PCDHGA1: variants seen among roughly 807,000 people sequenced by gnomAD.
PCDHGA1 encodes the protein protocadherin gamma subfamily A, 1.
In PCDHGA1, 32 loss-of-function variants were observed where a neutral mutation model predicts 58.0. The ratio of observed to expected loss-of-function variants is 0.55; its 90% CI spans 0.42 to 0.74. PCDHGA1 has a LOEUF of 0.74. Ranked by LOEUF, PCDHGA1 falls within the 30% of genes least tolerant of loss-of-function variation. The pLI, the probability that PCDHGA1 is intolerant of heterozygous loss-of-function variation, is 0.00. For missense variants in PCDHGA1, 1,205 were observed against 1,182.3 expected, an observed-to-expected ratio of 1.02 and a Z score of -0.28; for synonymous variants, 498 against 501.1, an observed-to-expected ratio of 0.99 and a Z score of 0.08.
intron 2 of PCDHGA1, among the ~76,000 whole-genome samples, chr5:141,500,184 T>TTTTTTTTA (rs1554186429): frequency 7.8e-4 from 106 of 135,966 alleles, no homozygotes; most frequent in African/African-American, 2.4e-3. Context: ...TCATTTTTAT[T>TTTTTTTTA]TTTATTTATT....
At chr5:141,433,202 T>C (rs1433315739) in intron 1 of PCDHGA1, 2 of 1,578,202 alleles carry the variant, frequency 1.3e-6, no homozygotes, top group Non-Finnish European at 1.7e-6. Context: ...ATATCAAATC[T>C]TCTTTCTTTT....
chr5:141,457,809 C>A (rs1404645915), intron 1 of PCDHGA1, among the ~76,000 whole-genome samples: 1 of 152,180 alleles, frequency 6.6e-6, no homozygotes, highest in Non-Finnish European at 1.5e-5. Flanking sequence ...CTCTTGAGGT[C>A]CCAAGATAAA....
At chr5:141,354,730 T>C (rs1554075317) in intron 1 of PCDHGA1, among the ~76,000 whole-genome samples, 1 of 152,160 alleles carries the variant, frequency 6.6e-6, no homozygotes. Flanking sequence ...GGATGAACAA[T>C]GTGAAAACTG....
At chr5:141,354,901 A>C (rs1394350336) in intron 1 of PCDHGA1, 1 of 397,230 alleles carries the variant, frequency 2.5e-6, no homozygotes, top group African/African-American at 2.1e-5. Context: ...GAGAAATAGG[A>C]ATAGAAAAGT....
In PCDHGA1 at chr5:141,438,327, A is replaced by G. The variant is rs369043587; in HGVS notation, c.2422-56480A>G. 1.5e-4 allele frequency among the ~76,000 whole-genome samples: 23 copies of G among 152,106 alleles called. No homozygotes were observed. The East Asian group carries it at 4.1e-3, about 27-fold the overall frequency. ...TTGGTACCACCATAATTTTTCTTAT[A>G]CATGTCATATAAGGATCTACTCTGT... On this transcript the variant is annotated intron_variant, in intron 1 of 3. Transcript: ENST00000517417.
intron 3 of PCDHGA1, among the ~76,000 whole-genome samples, chr5:141,509,353 C>A (rs2099876446): frequency 6.6e-6 from 1 of 152,170 alleles, no homozygotes; most frequent in Non-Finnish European, 1.5e-5. Context: ...CTGGCCTGGG[C>A]ATCCCTGAGG....
intron 1 of PCDHGA1, among the ~76,000 whole-genome samples, chr5:141,482,048 G>A (rs375214441): frequency 1.3e-5 from 2 of 150,044 alleles, no homozygotes; most frequent in Non-Finnish European, 2.9e-5. Flanking sequence ...TCATGCTGTT[G>A]CATTCCAGCC....
chr5:141,439,636 G>A (rs114401133), intron 1 of PCDHGA1, among the ~76,000 whole-genome samples: 27 of 152,206 alleles, frequency 1.8e-4, no homozygotes, highest in Non-Finnish European at 2.9e-4. Context: ...CAGACATTCC[G>A]GCTTGGTGGC....
Position 141,490,270 on chromosome 5 carries a change from A to G in PCDHGA1, c.2422-4537A>G. On this transcript the variant is annotated intron_variant, in intron 1 of 3. Coordinates refer to ENST00000517417, the MANE Select transcript of PCDHGA1 (RefSeq NM_018912.3). The surrounding 1 kb of genome is among the most constrained non-coding windows in gnomAD (Gnocchi z 5.4). The stretch of plus-strand genomic sequence containing the variant: ...GATTCAAGTGGATGTGGGGGATGTC[A>G]ATGACAATGCCCCAGAGGTGCTATT... The G allele has an allele frequency of 6.2e-7, 1 of 1,614,226 alleles. No individual in the cohort carries two copies. Among genetic ancestry groups the G allele is most frequent in the African/African-American group, 1.3e-5 (1 of 75,060 alleles).
Position 141,477,337 on chromosome 5 carries a change from C to T in PCDHGA1, c.2422-17470C>T. ...TTACTTCTTCCCTCAAGAATTACTT[C>T]ACTTTGAAAACCAGTGCAGACCTGG... On this transcript the variant is annotated intron_variant, in intron 1 of 3. Transcript: ENST00000517417. The surrounding 1 kb of genome is among the most constrained non-coding windows in gnomAD (Gnocchi z 4.9). The T allele has an allele frequency of 1.2e-6, 2 of 1,614,166 alleles. No individual in the cohort carries two copies. Among genetic ancestry groups the T allele is most frequent in the Non-Finnish European group, 1.7e-6 (2 of 1,180,028 alleles).
chr5:141,406,998 A>T (rs138992041), intron 1 of PCDHGA1, among the ~76,000 whole-genome samples: 1 of 152,234 alleles, frequency 6.6e-6, no homozygotes, highest in Non-Finnish European at 1.5e-5. Context: ...ATTTGAAAAT[A>T]AGCTTTGAAG....
chr5:141,485,105 G>A lies in PCDHGA1; in HGVS notation c.2422-9702G>A. On this transcript the variant is annotated intron_variant, in intron 1 of 3. Transcript: ENST00000517417. The surrounding 1 kb of genome is among the most constrained non-coding windows in gnomAD (Gnocchi z 5.7). ...AGGGAGATAGGTGTCTCCAGCTGCT[G>A]TGGCTGTTTGGGGCGGGTCGGCTTC... 8.3e-7 allele frequency: 1 copy of A among 1,205,940 alleles called. No individual in the cohort carries two copies. Among genetic ancestry groups the A allele is most frequent in the Non-Finnish European group, 1.2e-6 (1 of 827,784 alleles). The allele number at this position is 1,205,940 out of a possible 1,614,324, so 74.7% of individuals were successfully genotyped here.
chr5:141,427,751 C>T (rs778043340), intron 1 of PCDHGA1: 1 of 1,306,072 alleles, frequency 7.7e-7, no homozygotes, highest in South Asian at 1.2e-5. Flanking sequence ...CCTACTCCAT[C>T]GTTACCACTG....
rs373558342 is a variant in PCDHGA1 at position 141,374,559 on chromosome 5, A to C, written c.2421+41454A>C. 1.1e-4 allele frequency: 170 copies of C among 1,613,544 alleles called. No homozygotes were observed. The highest frequency in any genetic ancestry group is 1.3e-4 in the Non-Finnish European group (153 of 1,179,694). ...CGTTTTCCACTAATGGAGGTCTATG[A>C]CCCTGATGTGGGAATGAACTCCCTT... is the stretch of plus-strand genomic sequence containing the variant. On this transcript the variant is annotated intron_variant, in intron 1 of 3. Coordinates refer to ENST00000517417, the MANE Select transcript of PCDHGA1 (RefSeq NM_018912.3).
rs1248867280 is a variant in PCDHGA1 at position 141,511,325 on chromosome 5, C to T, written c.*152C>T. 18 of 1,466,406 alleles carry T rather than the reference C, an allele frequency of 1.2e-5. No homozygotes were observed. Among genetic ancestry groups the T allele is most frequent in the Non-Finnish European group, 1.5e-5 (17 of 1,099,872 alleles). 90.8% of individuals were successfully genotyped at this position (1,466,406 alleles called of 1,614,324 possible). A position where few individuals can be genotyped will look rare whatever the true frequency, so the allele number is the denominator to read the frequency against. On this transcript the variant is annotated 3_prime_UTR_variant, in exon 4 of 4. Coordinates refer to ENST00000517417, the MANE Select transcript of PCDHGA1 (RefSeq NM_018912.3). ...TCCCCTTGGGAAACAGAAACAAGTG[C>T]CCAGTCAGCACCTACCCCTTCCCCC...
chr5:141,448,511 A>C (rs2098593334), intron 1 of PCDHGA1, among the ~76,000 whole-genome samples: 1 of 152,076 alleles, frequency 6.6e-6, no homozygotes, highest in Admixed American at 6.6e-5. Context: ...ACATTTTATA[A>C]CTTTATTAAG....
intron 1 of PCDHGA1, chr5:141,423,526 A>G (rs1229909527): frequency 6.2e-7 from 1 of 1,613,690 alleles, no homozygotes; most frequent in Non-Finnish European, 8.5e-7. Flanking sequence ...CTCGCAGAAG[A>G]GTCACCTGAT....
chr5:141,393,171 G>A (rs768471669), intron 1 of PCDHGA1: 1 of 1,613,268 alleles, frequency 6.2e-7, no homozygotes, highest in Non-Finnish European at 8.5e-7. Context: ...CTTTGGGGTA[G>A]AAATAGAAAT....
intron 1 of PCDHGA1, chr5:141,414,528 C>T: frequency 6.2e-7 from 1 of 1,613,970 alleles, no homozygotes; most frequent in Non-Finnish European, 8.5e-7. Flanking sequence ...ATATCAATGA[C>T]AACCCACCTA....
Sources: allele counts gnomAD v4.1 joint callset (sites outside exome capture counted in the v4.1 genomes callset), GRCh38; gene constraint gnomAD v4.1.1; non-coding constraint Gnocchi (gnomAD v3.1); transcripts MANE v1.5; gene names NCBI Gene and HGNC (gene_info 2026-07-23, HGNC 2026-07-21).